Variants in CASK observed in about 807,000 individuals in gnomAD.
CASK encodes calcium/calmodulin dependent serine protein kinase.
In CASK, 4 loss-of-function variants were observed where a neutral mutation model predicts 82.9. That is an observed-to-expected ratio of 0.05 (90% CI 0.02 to 0.11). CASK has a LOEUF of 0.11. Ranked by LOEUF, CASK falls within the 10% of genes least tolerant of loss-of-function variation. CASK has a pLI of 1.00. For synonymous variants in CASK, 259 were observed against 253.5 expected (o/e 1.02, Z -0.20); for missense variants, 358 against 720.9 (o/e 0.50, Z 5.76).
chrX:41,569,998 CTTTTCTTTTTTCT>C, intron 15 of CASK, among the ~76,000 whole-genome samples: 1 of 88,825 alleles, frequency 1.1e-5, no homozygotes, highest in East Asian at 4.0e-4. Flanking sequence ...ATTTTCTTTT[CTTTTCTTTTTTCT>C]TTTTTTTTTT....
chrX:41,812,993 T>G (rs1331511139), intron 2 of CASK, among the ~76,000 whole-genome samples: 1 of 111,536 alleles, frequency 9.0e-6, no homozygotes, highest in East Asian at 2.8e-4. Flanking sequence ...CATTCACAAT[T>G]ACTTCAAAGA....
chrX:41,644,208 T>C (rs62587039), intron 8 of CASK, among the ~76,000 whole-genome samples: 13,204 of 111,608 alleles, frequency 0.12, 749 homozygotes, highest in Middle Eastern at 0.17. Context: ...GCATTGATGT[T>C]CATCAGGGAT....
chrX:41,676,207 A>C, intron 5 of CASK: 2 of 1,181,522 alleles, frequency 1.7e-6, no homozygotes, highest in Non-Finnish European at 2.3e-6. Context: ...GAAACAGTAC[A>C]TCATTGCAGA....
chrX:41,636,878 G>A (rs749736111), intron 8 of CASK, among the ~76,000 whole-genome samples: 1 of 111,740 alleles, frequency 8.9e-6, no homozygotes, highest in East Asian at 2.8e-4. Flanking sequence ...CAGCAATAAA[G>A]GGCTGAAATA....
intron 1 of CASK, among the ~76,000 whole-genome samples, chrX:41,858,564 T>C (rs1332031702): frequency 9.0e-6 from 1 of 111,350 alleles, no homozygotes; most frequent in Non-Finnish European, 1.9e-5. Flanking sequence ...AGCGGAAATG[T>C]CCTGCCTGTG....
At chrX:41,878,059 C>T (rs920311988) in intron 1 of CASK, among the ~76,000 whole-genome samples, 11 of 105,708 alleles carry the variant, frequency 1.0e-4, no homozygotes, top group African/African-American at 3.7e-4. Context: ...AAAATTAGCA[C>T]GTGTTTTAAG....
chrX:41,664,559 G>A (rs1260442547), intron 7 of CASK, among the ~76,000 whole-genome samples: 2 of 111,841 alleles, frequency 1.8e-5, no homozygotes, highest in Non-Finnish European at 3.8e-5. Context: ...TGCTTCCCAT[G>A]CCCAGCCTCC....
intron 22 of CASK, among the ~76,000 whole-genome samples, chrX:41,542,464 C>G (rs1415377424): frequency 8.9e-6 from 1 of 112,851 alleles, no homozygotes; most frequent in Non-Finnish European, 1.9e-5. Context: ...GATACTATTT[C>G]AAAATAACAT....
intron 12 of CASK, among the ~76,000 whole-genome samples, chrX:41,607,655 C>G (rs2065980851): frequency 1.8e-5 from 2 of 112,302 alleles, no homozygotes; most frequent in South Asian, 7.4e-4. Context: ...CTACGTTCCT[C>G]AGCTCTCACA....
At chrX:41,694,070 G>T (rs771617103) in intron 5 of CASK, among the ~76,000 whole-genome samples, 1 of 111,703 alleles carries the variant, frequency 9.0e-6, no homozygotes, top group Admixed American at 9.5e-5. Context: ...TACTAATAGG[G>T]TCTCTGTCTT....
intron 1 of CASK, among the ~76,000 whole-genome samples, chrX:41,897,847 C>A (rs945145918): frequency 4.5e-5 from 5 of 111,888 alleles, no homozygotes; most frequent in African/African-American, 1.3e-4. Context: ...TTTTAATATG[C>A]AGTTGAATTC....
intron 25 of CASK, among the ~76,000 whole-genome samples, chrX:41,526,908 C>T (rs756193349): frequency 2.3e-4 from 26 of 111,321 alleles, no homozygotes; most frequent in Non-Finnish European, 4.7e-4. Context: ...CACATTTCCT[C>T]GCTTGTTCTT....
intron 1 of CASK, among the ~76,000 whole-genome samples, chrX:41,877,285 GCT>G (rs1340632017): frequency 9.0e-6 from 1 of 111,523 alleles, no homozygotes; most frequent in Non-Finnish European, 1.9e-5. Context: ...ACTCTCTGGG[GCT>G]TCCTTCAAAT....
rs151206561 is a variant in CASK at position 41,883,211 on chromosome X, G to A, written c.60-29984C>T. ...TTGCAGCTTTTGAGCCCAGTCCTAGGAGAGACCAAATAGAACTTGAGCCAG... is the reference window on the plus strand; with the variant it reads ...TTGCAGCTTTTGAGCCCAGTCCTAGAAGAGACCAAATAGAACTTGAGCCAG... On this transcript the variant is annotated intron_variant, in intron 1 of 26. Transcript: ENST00000378163. 8.6e-3 allele frequency among the ~76,000 whole-genome samples: 963 copies of A among 111,791 alleles called. 15 individuals carry two copies. Among genetic ancestry groups the A allele is most frequent in the African/African-American group, 0.03 (928 of 30,786 alleles).
chrX:41,913,134 G>T (rs1205948604), intron 1 of CASK, among the ~76,000 whole-genome samples: 11 of 110,985 alleles, frequency 9.9e-5, no homozygotes, highest in Non-Finnish European at 2.1e-4. Context: ...TACTATGTGT[G>T]TCTGTTGGTT....
In CASK at chrX:41,520,561, G is replaced by T. The variant is rs1602202889; in HGVS notation, c.2640C>A (p.Asp880Glu). ...ESLQRLQKES[D>E]ILQRTYAHYF... ...AGTGTGCATATGTTCTCTGTAAGATGTCAGACTCCTTCTGCAGACGCTGAA... is the reference window on the plus strand; with the variant it reads ...AGTGTGCATATGTTCTCTGTAAGATTTCAGACTCCTTCTGCAGACGCTGAA... The change falls in exon 27 of 27, where the codon GAC (aspartate) becomes GAA (glutamate). Residue 880 changes from aspartate (D) to glutamate (E), a missense_variant. By Grantham distance (45) the Asp-to-Glu change is conservative. Around this residue, in one of 5 missense-constraint regions of CASK, gnomAD observed 118 missense variants for 169.4 expected, o/e 0.70. Coordinates refer to ENST00000378163, the MANE Select transcript of CASK (RefSeq NM_001367721.1). The T allele has an allele frequency of 8.3e-7, 1 of 1,208,290 alleles. No individual in the cohort carries two copies. Among genetic ancestry groups the T allele is most frequent in the Non-Finnish European group, 1.1e-6 (1 of 892,658 alleles).
At chrX:41,670,520 G>T (rs1298934298) in intron 6 of CASK, among the ~76,000 whole-genome samples, 1 of 112,046 alleles carries the variant, frequency 8.9e-6, no homozygotes, top group Non-Finnish European at 1.9e-5. Flanking sequence ...GCTGAGGCAG[G>T]AGGACTGCTT....
intron 2 of CASK, among the ~76,000 whole-genome samples, chrX:41,815,338 T>G (rs886127569): frequency 9.0e-6 from 1 of 110,646 alleles, no homozygotes; most frequent in African/African-American, 3.3e-5. Context: ...AAGCAGCAAA[T>G]TGTAAAATAT....
chrX:41,638,488 G>C (rs1011807432), intron 8 of CASK, among the ~76,000 whole-genome samples: 24 of 111,535 alleles, frequency 2.2e-4, no homozygotes, highest in African/African-American at 7.2e-4. Flanking sequence ...CAGGGCTGCA[G>C]TGAGCCATGA....
Sources: gnomAD v4.1 joint callset for allele counts (sites outside exome capture counted in the v4.1 genomes callset) on GRCh38, gnomAD v4.1.1 for gene constraint, gnomAD v4.1.1 regional missense constraint, MANE v1.5 for transcripts, NCBI Gene and HGNC (gene_info 2026-07-23, HGNC 2026-07-21) for gene names.